PHF8: variants seen among roughly 807,000 people sequenced by gnomAD.
PHF8 encodes the protein PHD finger protein 8, also known as histone lysine demethylase PHF8.
Under a neutral mutation model 74.4 loss-of-function variants are expected in PHF8, and 9 were observed. The ratio of observed to expected loss-of-function variants is 0.12; its 90% confidence interval spans 0.07 to 0.21. The LOEUF (loss-of-function observed/expected upper bound fraction) is 0.21, where lower values mean the gene tolerates loss of function less well. Ranked by LOEUF, PHF8 falls within the 10% of genes least tolerant of loss-of-function variation. PHF8 has a pLI of 1.00. For synonymous variants in PHF8, 311 were observed against 316.6 expected (o/e 0.98, Z 0.19); for missense variants, 478 against 816.6 (o/e 0.59, Z 5.05).
chrX:53,945,821 C>T (rs2064825218), intron 19 of PHF8, among the ~76,000 whole-genome samples: 1 of 111,523 alleles, frequency 9.0e-6, no homozygotes, highest in Non-Finnish European at 1.9e-5. Context: ...TACACAAAAC[C>T]TCTTTGGTTC....
chrX:53,943,554 G>C (rs1667331980), intron 20 of PHF8, among the ~76,000 whole-genome samples: 1 of 111,856 alleles, frequency 8.9e-6, no homozygotes, highest in Non-Finnish European at 1.9e-5. Flanking sequence ...GATATTGATT[G>C]CAAGATAACC....
chrX:53,981,696 A>G (rs1557098055), intron 18 of PHF8, among the ~76,000 whole-genome samples: 1 of 112,050 alleles, frequency 8.9e-6, no homozygotes, highest in African/African-American at 3.2e-5. Flanking sequence ...AATGCCGGGT[A>G]CAAATGCCAT....
At chrX:54,030,968 T>C (rs1175312269) in intron 2 of PHF8, among the ~76,000 whole-genome samples, 1 of 112,250 alleles carries the variant, frequency 8.9e-6, no homozygotes, top group Non-Finnish European at 1.9e-5. Flanking sequence ...TTAAAGTTCC[T>C]GGCACATGTT....
At chrX:54,015,575 C>CAA (rs202093690) in intron 6 of PHF8, among the ~76,000 whole-genome samples, 837 of 31,369 alleles carry the variant, frequency 0.027, 10 homozygotes, top group Middle Eastern at 0.038. Context: ...AACTCCGTCT[C>CAA]AAAAAAAAAA....
Position 54,000,041 on chromosome X carries a change from C to T in PHF8, c.1142-80G>A. On this transcript the variant is annotated intron_variant, in intron 10 of 21. Coordinates refer to ENST00000338154, the MANE Select transcript of PHF8 (RefSeq NM_015107.3). ...GGACTTGGGACTTTTGTTAAGACAA[C>T]CAGAGAAAATGCTCAAGGTTCTGAG... The T allele has an allele frequency of 6.5e-6, 4 of 612,844 alleles. No individual in the cohort carries two copies. In the South Asian group the frequency reaches 9.3e-5, roughly 14 times the overall value. The allele number at this position is 612,844 out of a possible 1,213,427, so 50.5% of individuals were successfully genotyped here.
rs143798562 is a variant in PHF8 at position 54,034,544 on chromosome X, T to C, written c.98+8087A>G. Among the ~76,000 whole-genome samples, 634 of 111,606 alleles carry C rather than the reference T, an allele frequency of 5.7e-3. 3 individuals carry two copies. The highest frequency in any genetic ancestry group is 0.02 in the African/African-American group (616 of 30,735). On this transcript the variant is annotated intron_variant, in intron 2 of 21. Coordinates refer to ENST00000338154, the MANE Select transcript of PHF8 (RefSeq NM_015107.3). ...ACTTATCCTAAAAGAATGAGTAGGC[T>C]GGGCACAGTAGCTCATGCCTGTAAT... is the stretch of plus-strand genomic sequence containing the variant.
At chrX:53,981,590 T>G (rs1870837109) in intron 18 of PHF8, among the ~76,000 whole-genome samples, 1 of 111,612 alleles carries the variant, frequency 9.0e-6, no homozygotes, top group Admixed American at 9.6e-5. Flanking sequence ...TTGATGAAGC[T>G]GGTATCTATT....
At chrX:53,944,389 A>G (rs1272647176) in intron 19 of PHF8, 146 bp from the exon 20 acceptor site, 12 of 463,815 alleles carry the variant, frequency 2.6e-5, no homozygotes, top group Non-Finnish European at 3.4e-5. Flanking sequence ...TTGCCATCAC[A>G]TAAGAACCTA....
intron 18 of PHF8, among the ~76,000 whole-genome samples, chrX:53,965,925 C>A (rs2065178079): frequency 9.1e-6 from 1 of 110,077 alleles, no homozygotes; most frequent in South Asian, 3.9e-4. Context: ...AAAAGAGAAA[C>A]TGACAAAAAC....
In PHF8 at chrX:53,984,971, T is replaced by TCTC. The variant is rs781810031; in HGVS notation, c.2383_2385dup (p.Glu795dup). 6 of 1,207,758 alleles carry TCTC rather than the reference T, an allele frequency of 5.0e-6. No individual in the cohort carries two copies. The highest frequency in any genetic ancestry group is 1.8e-5 in the African/African-American group (1 of 56,959). ...CTGTCCTGTTCATCCAGACTGGCGTTCTCCTCCTCCTCCTCGCTCTCGGTT... is the reference window on the plus strand; with the variant it reads ...CTGTCCTGTTCATCCAGACTGGCGTTCTCCTCCTCCTCCTCCTCGCTCTCGGTT... On this transcript the variant is annotated inframe_insertion, in exon 18 of 22. Coordinates refer to ENST00000338154, the MANE Select transcript of PHF8 (RefSeq NM_015107.3).
At chrX:54,016,493 CAAA>C (rs782287041) in intron 6 of PHF8, 99 bp downstream of exon 6, 1,300 of 591,426 alleles carry the variant, frequency 2.2e-3, no homozygotes, top group Middle Eastern at 3.1e-3. Flanking sequence ...GACTCTGTCT[CAAA>C]AAAAAAAAAA....
chrX:54,011,251 T>C lies in PHF8; in HGVS notation c.817A>G (p.Asn273Asp), dbSNP rs1557106685. The C allele has an allele frequency of 2.5e-6, 3 of 1,210,292 alleles. No individual in the cohort carries two copies. The highest frequency in any genetic ancestry group is 4.3e-5 in the Admixed American group (2 of 46,007). ...EKIFYLIRPT[N>D]ANLTLFECWS... ...CACTCAAAGAGAGTCAGATTGGCAT[T>C]TGTTGGGCGGATCAGGTAGAAGATC... is the stretch of plus-strand genomic sequence containing the variant. The change falls in exon 8 of 22, where the codon AAT (asparagine) becomes GAT (aspartate). Residue 273 changes from asparagine to aspartate, a missense_variant. By Grantham distance (23) the Asn-to-Asp change is conservative (BLOSUM62 1). Transcript: ENST00000338154.
chrX:53,997,325 AT>A (rs1160423443), intron 11 of PHF8, among the ~76,000 whole-genome samples: 2 of 111,148 alleles, frequency 1.8e-5, no homozygotes, highest in Admixed American at 9.5e-5. Context: ...TTCCTTTGTG[AT>A]TTTTTTTCTA....
intron 18 of PHF8, among the ~76,000 whole-genome samples, chrX:53,974,197 C>T (rs932605158): frequency 4.5e-5 from 5 of 110,323 alleles, no homozygotes; most frequent in Admixed American, 1.9e-4. Context: ...ACCCGGGAGG[C>T]GGAGCTTGCA....
intron 18 of PHF8, among the ~76,000 whole-genome samples, chrX:53,963,433 T>C (rs1009400583): frequency 8.9e-6 from 1 of 111,817 alleles, no homozygotes; most frequent in African/African-American, 3.2e-5. Flanking sequence ...GGGAGCCTAC[T>C]AGCACACTGA....
At chrX:53,966,800 C>T (rs1336167758) in intron 18 of PHF8, among the ~76,000 whole-genome samples, 19 of 108,538 alleles carry the variant, frequency 1.8e-4, no homozygotes, top group African/African-American at 6.5e-4. Context: ...CGCCTCTTCC[C>T]GGCCGCCATC....
chrX:53,954,065 CAT>C (rs1463263301), intron 19 of PHF8, among the ~76,000 whole-genome samples: 2 of 111,811 alleles, frequency 1.8e-5, no homozygotes, highest in African/African-American at 6.5e-5. Flanking sequence ...CAATTACAAA[CAT>C]ATGTGTACCT....
chrX:53,970,188 G>C (rs1158170242), intron 18 of PHF8, among the ~76,000 whole-genome samples: 1 of 111,950 alleles, frequency 8.9e-6, no homozygotes, highest in East Asian at 2.8e-4. Flanking sequence ...AAAGTGCAGA[G>C]ACAACCCACA....
chrX:54,036,375 C>G (rs150565257), intron 2 of PHF8, among the ~76,000 whole-genome samples: 2 of 108,266 alleles, frequency 1.8e-5, no homozygotes, highest in African/African-American at 6.7e-5. Context: ...AGAACGATAA[C>G]AGGAAACTCT....
Sources: allele counts gnomAD v4.1 joint callset (sites outside exome capture counted in the v4.1 genomes callset), GRCh38; gene constraint gnomAD v4.1.1; transcripts MANE v1.5; gene names NCBI Gene and HGNC (gene_info 2026-07-23, HGNC 2026-07-21).